The following ESCO1 variants were observed in gnomAD, a reference collection of about 807,000 sequenced individuals.
The protein encoded by ESCO1 is establishment of sister chromatid cohesion N-acetyltransferase 1, also known as N-acetyltransferase ESCO1.
In ESCO1, 33 loss-of-function variants were observed where a neutral mutation model predicts 83.5. That is an observed-to-expected ratio of 0.40 (90% CI 0.30 to 0.53). ESCO1 has a LOEUF of 0.53. Ranked by LOEUF, ESCO1 falls within the 20% of genes least tolerant of loss-of-function variation. The pLI is 0.63. For missense variants in ESCO1, 855 were observed against 968.0 expected, an observed-to-expected ratio of 0.88 and a Z score of 1.55; for synonymous variants, 332 against 324.3, an observed-to-expected ratio of 1.02 and a Z score of -0.25.
intron 11 of ESCO1, among the ~76,000 whole-genome samples, chr18:21,530,949 C>T (rs918586748): frequency 1.3e-5 from 2 of 152,156 alleles, no homozygotes; most frequent in Non-Finnish European, 2.9e-5. Context: ...AAAACTATCT[C>T]TTTTGCAGAT....
At chr18:21,581,525 C>T (rs779842521) in intron 2 of ESCO1, among the ~76,000 whole-genome samples, 4 of 151,534 alleles carry the variant, frequency 2.6e-5, no homozygotes, top group East Asian at 1.9e-4. Flanking sequence ...GCAGGAGAAT[C>T]GTTGGAACCC....
intron 8 of ESCO1, 47 bp downstream of exon 8, chr18:21,560,812 C>T: frequency 6.3e-7 from 1 of 1,586,076 alleles, no homozygotes; most frequent in Non-Finnish European, 8.5e-7. Context: ...AAGAGACCGA[C>T]CTAATTATCT....
intron 1 of ESCO1, among the ~76,000 whole-genome samples, chr18:21,586,407 T>C (rs1276829971): frequency 1.3e-5 from 2 of 152,252 alleles, no homozygotes; most frequent in African/African-American, 4.8e-5. Flanking sequence ...ATTTTATCCA[T>C]TCATCTGCTG....
intron 9 of ESCO1, among the ~76,000 whole-genome samples, chr18:21,539,365 AACT>A (rs1364664402): frequency 1.6e-4 from 25 of 152,184 alleles, no homozygotes; most frequent in Non-Finnish European, 3.1e-4. Context: ...TCAAATTATT[AACT>A]ACTACTAATA....
chr18:21,574,800 A>C lies in ESCO1; in HGVS notation c.44T>G (p.Val15Gly), dbSNP rs1178843801. 6.3e-7 allele frequency: 1 copy of C among 1,596,312 alleles called. No individual in the cohort carries two copies. The highest frequency in any genetic ancestry group is 1.7e-5 in the Admixed American group (1 of 58,352). The change falls in exon 4 of 12, where the codon GTT (valine) becomes GGT (glycine). Residue 15 changes from valine to glycine, a missense_variant. Physicochemically the swap from Val to Gly is moderately radical, Grantham distance 109 (BLOSUM62 -3). Coordinates refer to ENST00000269214, the MANE Select transcript of ESCO1 (RefSeq NM_052911.3). Reference sequence around the variant, plus strand: ...ATTCTTATCGTCACTTTTTTTAGTAACTTTGGAGGAATTCTCTTTTGATTT... The same window carrying C: ...ATTCTTATCGTCACTTTTTTTAGTACCTTTGGAGGAATTCTCTTTTGATTT... The part of the protein sequence containing the change: ...QEKSKENSSK[V>G]TKKSDDKNSE...
rs1338177189 is a variant in ESCO1 at position 21,560,908 on chromosome 18, GTTTCATC to G, written c.1897_1903del (p.Asp633HisfsTer11). On this transcript the variant is annotated frameshift_variant, in exon 8 of 12. Transcript: ENST00000269214. LOFTEE classifies it high-confidence loss of function. ...CTGGTTGTGGAAAAGCAGATGCTGT[GTTTCATC>G]TTCTGGATTTGAAGCTGTATACAGC... is the stretch of plus-strand genomic sequence containing the variant. 6.2e-7 allele frequency: 1 copy of G among 1,602,834 alleles called. No individual in the cohort carries two copies. Among genetic ancestry groups the G allele is most frequent in the African/African-American group, 1.3e-5 (1 of 74,500 alleles).
intron 2 of ESCO1, among the ~76,000 whole-genome samples, chr18:21,580,204 A>G (rs2038483166): frequency 6.6e-6 from 1 of 151,952 alleles, no homozygotes; most frequent in Non-Finnish European, 1.5e-5. Context: ...CAGCCCCCAA[A>G]AATTTTTTTT....
In ESCO1 at chr18:21,575,770, C is replaced by T. The variant is rs539857773; in HGVS notation, c.-686G>A. The T allele has an allele frequency of 2.3e-5, 9 of 398,164 alleles. No individual in the cohort carries two copies. The South Asian group carries it at 8.9e-4, about 39-fold the overall frequency. 24.7% of individuals were successfully genotyped at this position (398,164 alleles called of 1,614,324 possible). A position where few individuals can be genotyped will look rare whatever the true frequency, so the allele number is the denominator to read the frequency against. On this transcript the variant is annotated 5_prime_UTR_variant, in exon 3 of 12. In the 5' UTR this introduces an upstream ATG that the reference lacks. Transcript: ENST00000269214. ...CTTCTAATATGCTCTTAACACATCA[C>T]ACAGCACCTGAAAGAAAAAGGGTTT...
chr18:21,599,214 G>A (rs1280463839), intron 1 of ESCO1, among the ~76,000 whole-genome samples: 1 of 152,180 alleles, frequency 6.6e-6, no homozygotes, highest in African/African-American at 2.4e-5. Flanking sequence ...GCGGACGCCT[G>A]TAGTCTCAGC....
intron 4 of ESCO1, 48 bp from the exon 5 acceptor site, chr18:21,568,142 T>C (rs899717148): frequency 1.2e-5 from 17 of 1,375,172 alleles, no homozygotes; most frequent in Non-Finnish European, 1.6e-5. Context: ...GGGTTTTATC[T>C]AAATAAACTT....
intron 2 of ESCO1, among the ~76,000 whole-genome samples, chr18:21,579,794 GCACACACACA>G (rs765904584): frequency 0.025 from 942 of 37,148 alleles, 21 homozygotes; most frequent in Non-Finnish European, 0.036. Flanking sequence ...ACGCGCGCGC[GCACACACACA>G]CACACACACA....
In ESCO1 at chr18:21,575,447, CAAAAAT is replaced by C. The variant is rs1471416992; in HGVS notation, c.-587-23_-587-18del. 5.0e-6 allele frequency: 2 copies of C among 397,924 alleles called. No homozygotes were observed. Among genetic ancestry groups the C allele is most frequent in the African/African-American group, 2.1e-5 (1 of 48,574 alleles). 24.6% of individuals were successfully genotyped at this position (397,924 alleles called of 1,614,324 possible). ...CTGCCGTTTCTGAAAAATTAAAAAA[CAAAAAT>C]AAAGTTTTGTACAATCCATGAAATA... On this transcript the variant is annotated intron_variant, in intron 3 of 11. Transcript: ENST00000269214.
intron 8 of ESCO1, among the ~76,000 whole-genome samples, chr18:21,545,533 A>G (rs1325859131): frequency 6.6e-6 from 1 of 151,078 alleles, no homozygotes; most frequent in Non-Finnish European, 1.5e-5. Flanking sequence ...AGATCACACC[A>G]TTGCACTCCA....
In ESCO1 at chr18:21,530,237, G is replaced by A; in HGVS notation, c.*106C>T. On this transcript the variant is annotated 3_prime_UTR_variant, in exon 12 of 12. Coordinates refer to ENST00000269214, the MANE Select transcript of ESCO1 (RefSeq NM_052911.3). Reference sequence around the variant, plus strand: ...TGGAACAACCATATGGTTGTTGCCAGTCCTGAGTTCATTGTAATAAAAATG... The same window carrying A: ...TGGAACAACCATATGGTTGTTGCCAATCCTGAGTTCATTGTAATAAAAATG... The A allele has an allele frequency of 4.2e-6, 4 of 945,080 alleles. No individual in the cohort carries two copies. The highest frequency in any genetic ancestry group is 6.0e-5 in the Admixed American group (2 of 33,596). The allele number at this position is 945,080 out of a possible 1,614,324, so 58.5% of individuals were successfully genotyped here. A position where few individuals can be genotyped will look rare whatever the true frequency, so the allele number is the denominator to read the frequency against.
At position 21,574,545 on chromosome 18, in the gene ESCO1, T is replaced by G. The variant is rs758697772; in HGVS notation, c.299A>C (p.Lys100Thr). The G allele has an allele frequency of 6.2e-7, 1 of 1,613,800 alleles. No individual in the cohort carries two copies. The highest frequency in any genetic ancestry group is 1.1e-5 in the South Asian group (1 of 91,024). Residue 100 changes from lysine to threonine, a missense_variant, in exon 4 of 12, where the codon AAG becomes ACG. Around this residue, in one of 2 missense-constraint regions of ESCO1, gnomAD observed 726 missense variants for 699.5 expected, o/e 1.04. Coordinates refer to ENST00000269214, the MANE Select transcript of ESCO1 (RefSeq NM_052911.3). Reference sequence around the variant, plus strand: ...TACTAATTTTTTCTGAGATAATTTCTTTTTTGTAGATTCTTGTGAATATCC... The same window carrying G: ...TACTAATTTTTTCTGAGATAATTTCGTTTTTGTAGATTCTTGTGAATATCC... ...VRGYSQESTK[K>T]KLSQKKLVHE...
intron 1 of ESCO1, among the ~76,000 whole-genome samples, chr18:21,599,922 T>A (rs1258283510): frequency 6.6e-6 from 1 of 152,208 alleles, no homozygotes. Flanking sequence ...TTCTCTTTGG[T>A]TCGCCTCTCT....
intron 1 of ESCO1, among the ~76,000 whole-genome samples, chr18:21,585,493 T>C (rs1417620562): frequency 1.3e-5 from 2 of 152,202 alleles, no homozygotes; most frequent in Non-Finnish European, 2.9e-5. Context: ...CGTAAATGTA[T>C]GGTTTTATTT....
At chr18:21,585,239 C>A (rs2038558692) in intron 1 of ESCO1, among the ~76,000 whole-genome samples, 1 of 151,836 alleles carries the variant, frequency 6.6e-6, no homozygotes, top group Admixed American at 6.6e-5. Flanking sequence ...TACTTCTTAT[C>A]CCACCTCCAT....
chr18:21,589,310 C>T (rs894525754), intron 1 of ESCO1, among the ~76,000 whole-genome samples: 16 of 152,056 alleles, frequency 1.1e-4, no homozygotes, highest in Non-Finnish European at 2.4e-4. Context: ...AATGTAGCCA[C>T]TTTCCCCCTC....
Sources: allele counts gnomAD v4.1 joint callset (sites outside exome capture counted in the v4.1 genomes callset), GRCh38; gene constraint gnomAD v4.1.1; regional missense constraint gnomAD v4.1.1; transcripts MANE v1.5; gene names NCBI Gene and HGNC (gene_info 2026-07-23, HGNC 2026-07-21).